The following LIPA variants were observed in gnomAD, a reference collection of about 807,000 sequenced individuals.
LIPA encodes lysosomal acid lipase/cholesteryl ester hydrolase.
In LIPA, 26 loss-of-function variants were observed where a neutral mutation model predicts 40.6. The observed-to-expected ratio is 0.64, with a 90% CI of 0.47 to 0.89. The LOEUF (loss-of-function observed/expected upper bound fraction) is 0.89. Ranked by LOEUF, LIPA falls within the 40% of genes least tolerant of loss-of-function variation. The pLI is 0.00. For missense variants in LIPA, 455 were observed against 479.6 expected, an observed-to-expected ratio of 0.95 and a Z score of 0.48; for synonymous variants, 188 against 168.4, an observed-to-expected ratio of 1.12 and a Z score of -0.90.
chr10:89,347,896 C>T (rs1843933106), intron 2 of LIPA, among the ~76,000 whole-genome samples: 1 of 152,166 alleles, frequency 6.6e-6, no homozygotes, highest in Non-Finnish European at 1.5e-5. Context: ...TGCATGGCAG[C>T]CCAAGCGGGA....
intron 3 of LIPA, among the ~76,000 whole-genome samples, chr10:89,240,564 C>G (rs11203046): frequency 2.0e-5 from 3 of 152,236 alleles, no homozygotes; most frequent in African/African-American, 7.2e-5. Context: ...CAACAGCCTA[C>G]GAAGTAGCCA....
At chr10:89,279,958 A>G (rs1409000384) in intron 1 of LIPA, among the ~76,000 whole-genome samples, 1 of 152,244 alleles carries the variant, frequency 6.6e-6, no homozygotes, top group Non-Finnish European at 1.5e-5. Flanking sequence ...ACATACAGTG[A>G]TATTCACTTC....
chr10:89,400,461 T>G (rs1010565920), intron 2 of LIPA, among the ~76,000 whole-genome samples: 1 of 152,218 alleles, frequency 6.6e-6, no homozygotes, highest in Admixed American at 6.5e-5. Context: ...AGCAGTCTTA[T>G]AGTTTCCAGT....
intron 1 of LIPA, among the ~76,000 whole-genome samples, chr10:89,250,120 G>GTTTTTTTTC (rs1843097740): frequency 4.5e-5 from 1 of 22,262 alleles, no homozygotes; most frequent in East Asian, 7.7e-4. Context: ...TTTTTTTTTT[G>GTTTTTTTTC]AGACAGTCTT....
intron 1 of LIPA, among the ~76,000 whole-genome samples, chr10:89,288,492 G>A (rs112081272): frequency 6.6e-6 from 1 of 152,110 alleles, no homozygotes; most frequent in African/African-American, 2.4e-5. Context: ...ACAAGAGCCA[G>A]GACTGCATCC....
intron 3 of LIPA, among the ~76,000 whole-genome samples, chr10:89,231,849 T>C (rs1056695744): frequency 3.3e-5 from 5 of 152,100 alleles, no homozygotes; most frequent in African/African-American, 1.2e-4. Flanking sequence ...GGGGAGAAAA[T>C]AGAAAGCAAA....
intron 3 of LIPA, among the ~76,000 whole-genome samples, chr10:89,229,961 T>A (rs1173037475): frequency 2.6e-5 from 4 of 152,144 alleles, no homozygotes; most frequent in Non-Finnish European, 5.9e-5. Flanking sequence ...TTAATAAAAA[T>A]TTTTAAAGCT....
intron 1 of LIPA, among the ~76,000 whole-genome samples, chr10:89,287,385 T>G (rs1387189738): frequency 6.6e-6 from 1 of 152,220 alleles, no homozygotes; most frequent in Non-Finnish European, 1.5e-5. Context: ...CCAACTCTGA[T>G]GCCAACTTGG....
At chr10:89,332,289 C>T (rs1426561595) in intron 1 of LIPA, among the ~76,000 whole-genome samples, 4 of 152,232 alleles carry the variant, frequency 2.6e-5, no homozygotes, top group Non-Finnish European at 4.4e-5. Context: ...CAGGGCTTAA[C>T]TTTGCCTCTT....
chr10:89,260,438 C>T (rs1843201582), intron 1 of LIPA, among the ~76,000 whole-genome samples: 2 of 152,164 alleles, frequency 1.3e-5, no homozygotes, highest in Non-Finnish European at 2.9e-5. Flanking sequence ...CAGGAAGGCC[C>T]AACTCACCTG....
chr10:89,238,979 C>T (rs973081112), intron 3 of LIPA, among the ~76,000 whole-genome samples: 4 of 152,154 alleles, frequency 2.6e-5, no homozygotes, highest in Non-Finnish European at 5.9e-5. Context: ...AGAACATAAC[C>T]ACTATGAAGA....
At chr10:89,321,410 G>T (rs977818498) in intron 1 of LIPA, among the ~76,000 whole-genome samples, 5 of 152,112 alleles carry the variant, frequency 3.3e-5, no homozygotes, top group African/African-American at 1.2e-4. Flanking sequence ...GTGGGCAAAG[G>T]CTATGAATGG....
intron 8 of LIPA, among the ~76,000 whole-genome samples, chr10:89,219,297 T>C (rs942146350): frequency 2.0e-5 from 3 of 152,162 alleles, no homozygotes; most frequent in African/African-American, 7.2e-5. Flanking sequence ...GTATTTTTAA[T>C]AGCACCTTAG....
intron 2 of LIPA, among the ~76,000 whole-genome samples, chr10:89,409,868 G>C (rs1841456624): frequency 6.6e-6 from 1 of 152,212 alleles, no homozygotes; most frequent in South Asian, 2.1e-4. Flanking sequence ...CAAAGCTGGA[G>C]CTATTATCTA....
At chr10:89,387,894 C>T (rs1016458955) in intron 2 of LIPA, among the ~76,000 whole-genome samples, 2 of 151,992 alleles carry the variant, frequency 1.3e-5, no homozygotes, top group Non-Finnish European at 2.9e-5. Context: ...TTTCTCTCTG[C>T]TTGACCATGT....
At chr10:89,335,168 G>C (rs578236008) in intron 1 of LIPA, among the ~76,000 whole-genome samples, 2 of 152,236 alleles carry the variant, frequency 1.3e-5, no homozygotes, top group Middle Eastern at 3.4e-3. Flanking sequence ...GAAAAATCAA[G>C]AGAATCAAGG....
At position 89,363,701 on chromosome 10, in the gene LIPA, C is replaced by T. The variant is rs923681082; in HGVS notation, c.61+49090G>A. Among the ~76,000 whole-genome samples the T allele has an allele frequency of 1.1e-4, 16 of 141,740 alleles. 1 individual carries two copies. The South Asian group carries it at 2.3e-3, about 20-fold the overall frequency. The allele number at this position is 141,740 out of a possible 152,430, so 93.0% of individuals were successfully genotyped here. ...CTGAGGCAGGAGAATGGCGTGAACC[C>T]GAGAGGCGGAGCTTGCAGTGAGCTA... On this transcript the variant is annotated intron_variant, in intron 2 of 8. Transcript: ENST00000371837.
At chr10:89,235,024 G>A (rs574746569) in intron 3 of LIPA, among the ~76,000 whole-genome samples, 1 of 152,336 alleles carries the variant, frequency 6.6e-6, no homozygotes, top group East Asian at 1.9e-4. Context: ...GCTTTGCTAG[G>A]GAAAGAAGGT....
At chr10:89,288,228 C>T (rs1156644427) in intron 1 of LIPA, among the ~76,000 whole-genome samples, 1 of 152,152 alleles carries the variant, frequency 6.6e-6, no homozygotes, top group Non-Finnish European at 1.5e-5. Context: ...AAAACAACAA[C>T]TGCTTTCCTT....
Sources: gnomAD v4.1 joint callset for allele counts (sites outside exome capture counted in the v4.1 genomes callset) on GRCh38, gnomAD v4.1.1 for gene constraint, MANE v1.5 for transcripts, NCBI Gene and HGNC (gene_info 2026-07-23, HGNC 2026-07-21) for gene names.